PDZRN4: variants seen among roughly 807,000 people sequenced by gnomAD.
PDZRN4 encodes the protein PDZ domain-containing RING finger protein 4.
Under a neutral mutation model 99.0 loss-of-function variants are expected in PDZRN4, and 70 were observed. The ratio of observed to expected loss-of-function variants is 0.71; its 90% CI spans 0.58 to 0.86. The LOEUF (loss-of-function observed/expected upper bound fraction) is 0.86. Among genes scored for constraint, PDZRN4 ranks in the 40% least tolerant of loss-of-function variants. PDZRN4 has a pLI of 0.00. For synonymous variants in PDZRN4, 551 were observed against 501.6 expected (o/e 1.10, Z -1.32); for missense variants, 1,474 against 1,331.2 (o/e 1.11, Z -1.67).
chr12:41,523,594 A>C (rs1274531730), intron 5 of PDZRN4, among the ~76,000 whole-genome samples: 2 of 152,138 alleles, frequency 1.3e-5, no homozygotes, highest in Non-Finnish European at 2.9e-5. Flanking sequence ...GGGCAACAAC[A>C]TGGTGCCACT....
intron 3 of PDZRN4, among the ~76,000 whole-genome samples, chr12:41,272,202 A>G (rs1380537218): frequency 6.6e-6 from 1 of 152,094 alleles, no homozygotes; most frequent in Non-Finnish European, 1.5e-5. Context: ...TACTTTAAGA[A>G]CATAAAATTC....
At chr12:41,226,077 G>T (rs909856521) in intron 3 of PDZRN4, among the ~76,000 whole-genome samples, 1 of 151,448 alleles carries the variant, frequency 6.6e-6, no homozygotes, top group African/African-American at 2.4e-5. Context: ...CTGATCATTT[G>T]GTGTCATTTT....
chr12:41,234,082 A>G (rs147993922), intron 3 of PDZRN4, among the ~76,000 whole-genome samples: 69 of 152,154 alleles, frequency 4.5e-4, no homozygotes, highest in African/African-American at 1.6e-3. Context: ...TGATTAATAG[A>G]AACCTCAAAA....
In PDZRN4 at chr12:41,313,024, G is replaced by T. The variant is rs201772616; in HGVS notation, c.843+118836G>T. ...GCAACATAAACTCAGGACACTTATTGCCTTATTTCCACACTCTTCATTCCC... is the reference window on the plus strand; with the variant it reads ...GCAACATAAACTCAGGACACTTATTTCCTTATTTCCACACTCTTCATTCCC... On this transcript the variant is annotated intron_variant, in intron 3 of 9. Coordinates refer to ENST00000402685, the MANE Select transcript of PDZRN4 (RefSeq NM_001164595.2). Among the ~76,000 whole-genome samples the T allele has an allele frequency of 4.6e-5, 7 of 152,192 alleles. No individual in the cohort carries two copies. The East Asian group carries it at 1.4e-3, about 29-fold the overall frequency.
At chr12:41,278,169 CATAAG>C (rs1252513961) in intron 3 of PDZRN4, among the ~76,000 whole-genome samples, 1 of 152,114 alleles carries the variant, frequency 6.6e-6, no homozygotes, top group Non-Finnish European at 1.5e-5. Flanking sequence ...ATGCGTGACT[CATAAG>C]ATAATAAGAC....
intron 3 of PDZRN4, among the ~76,000 whole-genome samples, chr12:41,404,687 G>T (rs929838245): frequency 3.3e-5 from 5 of 150,774 alleles, no homozygotes; most frequent in African/African-American, 1.2e-4. Context: ...AACTGAAAAA[G>T]AGCATGAATA....
intron 3 of PDZRN4, among the ~76,000 whole-genome samples, chr12:41,491,557 C>T (rs537003521): frequency 1.3e-5 from 2 of 152,008 alleles, no homozygotes; most frequent in South Asian, 4.2e-4. Context: ...AAACAAAAAC[C>T]ATGAATACTG....
chr12:41,559,459 A>G (rs1001666339), intron 7 of PDZRN4, among the ~76,000 whole-genome samples: 1 of 152,130 alleles, frequency 6.6e-6, no homozygotes, highest in South Asian at 2.1e-4. Context: ...ATCAGATAAC[A>G]AGAGTAAAAG....
At chr12:41,423,712 T>G (rs574256892) in intron 3 of PDZRN4, among the ~76,000 whole-genome samples, 2 of 152,110 alleles carry the variant, frequency 1.3e-5, no homozygotes, top group African/African-American at 4.8e-5. Flanking sequence ...CTACTCCCAC[T>G]GGTTAAAAAG....
chr12:41,516,144 C>T (rs2730832), intron 5 of PDZRN4, among the ~76,000 whole-genome samples: 19,036 of 152,024 alleles, frequency 0.13, 1,215 homozygotes, highest in African/African-American at 0.16. Flanking sequence ...CTGCCATGTA[C>T]CGCAATCTTT....
At position 41,348,875 on chromosome 12, in the gene PDZRN4, C is replaced by G. The variant is rs531111089; in HGVS notation, c.843+154687C>G. Among the ~76,000 whole-genome samples the G allele has an allele frequency of 6.6e-5, 10 of 152,018 alleles. No individual in the cohort carries two copies. The East Asian group carries it at 1.5e-3, about 24-fold the overall frequency. On this transcript the variant is annotated intron_variant, in intron 3 of 9. Coordinates refer to ENST00000402685, the MANE Select transcript of PDZRN4 (RefSeq NM_001164595.2). Reference sequence around the variant, plus strand: ...TATTTGTCAAGTTTTGGTGTAGTATCAAAGAGGAATATCCACAGTTATCTG... The same window carrying G: ...TATTTGTCAAGTTTTGGTGTAGTATGAAAGAGGAATATCCACAGTTATCTG...
intron 3 of PDZRN4, among the ~76,000 whole-genome samples, chr12:41,219,645 G>A (rs1374699305): frequency 6.6e-6 from 1 of 152,028 alleles, no homozygotes; most frequent in Non-Finnish European, 1.5e-5. Flanking sequence ...TTGCCTTGAA[G>A]AGGCACAAAG....
intron 5 of PDZRN4, among the ~76,000 whole-genome samples, chr12:41,540,683 T>C (rs1476368813): frequency 6.6e-6 from 1 of 152,222 alleles, no homozygotes; most frequent in Non-Finnish European, 1.5e-5. Context: ...TTAGTTTTTG[T>C]TAACATGCCC....
At chr12:41,266,615 A>T (rs1165952215) in intron 3 of PDZRN4, among the ~76,000 whole-genome samples, 2 of 152,334 alleles carry the variant, frequency 1.3e-5, no homozygotes, top group African/African-American at 2.4e-5. Context: ...TGGCACAAAG[A>T]CCAATTCTGG....
chr12:41,333,209 T>C (rs1005827397), intron 3 of PDZRN4, among the ~76,000 whole-genome samples: 1 of 152,064 alleles, frequency 6.6e-6, no homozygotes, highest in African/African-American at 2.4e-5. Context: ...TTGGTAGCAA[T>C]GAGCTAAGGT....
intron 3 of PDZRN4, among the ~76,000 whole-genome samples, chr12:41,319,893 C>T (rs1951663617): frequency 6.6e-6 from 1 of 152,222 alleles, no homozygotes; most frequent in Admixed American, 6.5e-5. Flanking sequence ...CCTATGGTAG[C>T]CCTACCCTTT....
intron 3 of PDZRN4, among the ~76,000 whole-genome samples, chr12:41,406,379 T>A (rs1952350377): frequency 6.6e-6 from 1 of 152,162 alleles, no homozygotes; most frequent in Non-Finnish European, 1.5e-5. Context: ...AATCAACGCC[T>A]ACTGTTGTCA....
rs765312643 is a variant in PDZRN4 at position 41,573,710 on chromosome 12, C to A, written c.2931C>A (p.Ser977Arg). 1.1e-5 allele frequency: 18 copies of A among 1,613,572 alleles called. No individual in the cohort carries two copies. Among genetic ancestry groups the A allele is most frequent in the Non-Finnish European group, 1.4e-5 (17 of 1,179,910 alleles). Residue 977 changes from serine to arginine, a missense_variant, in exon 10 of 10, where the codon AGC becomes AGA. Coordinates refer to ENST00000402685, the MANE Select transcript of PDZRN4 (RefSeq NM_001164595.2). ...AGTGTCTCAAGGAGAGCCCTCAGAGCGGCAGTGAGGGCAAGAAGGAGATCA... is the reference window on the plus strand; with the variant it reads ...AGTGTCTCAAGGAGAGCCCTCAGAGAGGCAGTGAGGGCAAGAAGGAGATCA... ...RLECLKESPQ[S>R]GSEGKKEINI...
chr12:41,429,630 A>T lies in PDZRN4; in HGVS notation c.844-76826A>T, dbSNP rs570606328. ...GTAGATGCAGATTGTTTGGGTTTGA[A>T]TCCTGGCTCCCTCATTTACTACTCA... On this transcript the variant is annotated intron_variant, in intron 3 of 9. Transcript: ENST00000402685. Among the ~76,000 whole-genome samples the T allele has an allele frequency of 5.3e-5, 8 of 152,076 alleles. No homozygotes were observed. In the South Asian group the frequency reaches 1.5e-3, roughly 28 times the overall value.
Sources: gnomAD v4.1 joint callset for allele counts (sites outside exome capture counted in the v4.1 genomes callset) on GRCh38, gnomAD v4.1.1 for gene constraint, MANE v1.5 for transcripts, NCBI Gene and HGNC (gene_info 2026-07-23, HGNC 2026-07-21) for gene names.